Variants in BRCA2 observed in about 807,000 individuals in gnomAD.
BRCA2 encodes the protein breast cancer type 2 susceptibility protein.
A neutral mutation model predicts 276.7 loss-of-function variants in BRCA2; 203 were observed. The ratio of observed to expected loss-of-function variants is 0.73; its 90% confidence interval spans 0.65 to 0.82. The LOEUF (loss-of-function observed/expected upper bound fraction) is 0.82. Ranked by LOEUF, BRCA2 falls within the 40% of genes least tolerant of loss-of-function variation. The pLI, the probability that BRCA2 is intolerant of heterozygous loss-of-function variation, is 0.00. For synonymous variants in BRCA2, 1,289 were observed against 1,338.4 expected (o/e 0.96, Z 0.81); for missense variants, 3,920 against 3,915.0 (o/e 1.00, Z -0.03).
intron 22 of BRCA2, 85 bp from the exon 23 acceptor site, chr13:32,379,665 A>G: frequency 1.3e-6 from 2 of 1,537,398 alleles, no homozygotes; most frequent in South Asian, 1.1e-5. Context: ...AGATAATATA[A>G]AAGAGGATCT....
Position 32,363,535 on chromosome 13 carries a change from T to C in BRCA2, c.8331+2T>C, listed in dbSNP as rs398122602. The C allele has an allele frequency of 1.9e-6, 3 of 1,610,002 alleles. No homozygotes were observed. Among genetic ancestry groups the C allele is most frequent in the Non-Finnish European group, 1.7e-6 (2 of 1,176,388 alleles). ...GCCCCAGAATCTCTTATGTTAAAGG[T>C]AAATTAATTTGCACTCTTGGTAAAA... On this transcript the variant is annotated splice_donor_variant, in intron 18 of 26. Transcript: ENST00000380152. LOFTEE classifies it high-confidence loss of function.
chr13:32,324,972 C>A (rs2072332713), intron 3 of BRCA2, 104 bp from the exon 4 acceptor site: 2 of 789,456 alleles, frequency 2.5e-6, no homozygotes, highest in South Asian at 1.5e-5. Flanking sequence ...TATACATTCT[C>A]ATTCCCAGTA....
chr13:32,395,408 A>G (rs575941981), intron 25 of BRCA2, among the ~76,000 whole-genome samples: 16 of 152,214 alleles, frequency 1.1e-4, no homozygotes, highest in Non-Finnish European at 1.5e-4. Flanking sequence ...GCTTAAATCT[A>G]TATATACATT....
At chr13:32,326,879 C>A (rs2072354188) in intron 7 of BRCA2, among the ~76,000 whole-genome samples, 1 of 152,140 alleles carries the variant, frequency 6.6e-6, no homozygotes, top group Non-Finnish European at 1.5e-5. Flanking sequence ...CCTTTACTGG[C>A]CTATATAAGC....
In BRCA2 at chr13:32,338,248, T is replaced by G. The variant is rs80358633; in HGVS notation, c.3893T>G (p.Ile1298Ser). 4 of 1,548,234 alleles carry G rather than the reference T, an allele frequency of 2.6e-6. No homozygotes were observed. The South Asian group carries it at 4.9e-5, about 19-fold the overall frequency. The change falls in exon 11 of 27, where the codon ATT (isoleucine) becomes AGT (serine). Residue 1298 changes from isoleucine (I) to serine (S), a missense_variant. By Grantham distance (142) the Ile-to-Ser change is moderately radical. Transcript: ENST00000380152. Reference protein sequence around the residue: ...NKCQLILQNNIEMTTGTFVEE... With the variant: ...NKCQLILQNNSEMTTGTFVEE... ...TGCCAACTGATATTACAAAATAATA[T>G]TGAAATGACTACTGGCACTTTTGTT...
chr13:32,393,594 T>C (rs2073012454), intron 24 of BRCA2, among the ~76,000 whole-genome samples: 1 of 152,228 alleles, frequency 6.6e-6, no homozygotes, highest in Non-Finnish European at 1.5e-5. Context: ...CAAGTTCATC[T>C]TATATGTTCC....
intron 13 of BRCA2, among the ~76,000 whole-genome samples, chr13:32,350,736 G>C (rs2072643119): frequency 6.6e-6 from 1 of 151,616 alleles, no homozygotes; most frequent in Admixed American, 6.6e-5. Flanking sequence ...CTGGGCGAGA[G>C]AGCGAGACTC....
rs1131692114 is a variant in BRCA2 at position 32,371,052 on chromosome 13, C to T, written c.8584C>T (p.Leu2862=). 1.2e-6 allele frequency: 2 copies of T among 1,614,070 alleles called. No homozygotes were observed. The highest frequency in any genetic ancestry group is 1.7e-6 in the Non-Finnish European group (2 of 1,179,982). The change falls in exon 20 of 27, where the codon CTA becomes TTA. Residue 2862 remains leucine (L), a synonymous_variant. Coordinates refer to ENST00000380152, the MANE Select transcript of BRCA2 (RefSeq NM_000059.4). The stretch of plus-strand genomic sequence containing the variant: ...ATATGTGGAGGCCCAACAAAAGAGA[C>T]TAGAAGCCTTATTCACTAAAATTCA... The part of the protein sequence containing the change: ...AKYVEAQQKR[L]EALFTKIQEE...
intron 20 of BRCA2, among the ~76,000 whole-genome samples, chr13:32,373,624 A>G (rs1036143961): frequency 6.6e-6 from 1 of 152,236 alleles, no homozygotes; most frequent in Non-Finnish European, 1.5e-5. Flanking sequence ...CATCCAGGGC[A>G]TGCTGATATA....
At chr13:32,320,159 C>T (rs2072297113) in intron 3 of BRCA2, among the ~76,000 whole-genome samples, 1 of 152,104 alleles carries the variant, frequency 6.6e-6, no homozygotes, top group Non-Finnish European at 1.5e-5. Context: ...GACCAATAGA[C>T]AAGGCAAAAA....
Position 32,333,458 on chromosome 13 carries a change from T to C in BRCA2, c.1909+71T>C, listed in dbSNP as rs375176572. ...AGATGACGATTCCTTCTGTGTTTTT[T>C]TCTGCTTTTTAAAATCTTCATATCT... On this transcript the variant is annotated intron_variant, in intron 10 of 26. Coordinates refer to ENST00000380152, the MANE Select transcript of BRCA2 (RefSeq NM_000059.4). The C allele has an allele frequency of 1.7e-4, 261 of 1,508,874 alleles. 1 individual carries two copies. In the East Asian group the frequency reaches 3.6e-3, roughly 21 times the overall value. The allele number at this position is 1,508,874 out of a possible 1,614,324, so 93.5% of individuals were successfully genotyped here.
chr13:32,320,060 C>A (rs878880501), intron 3 of BRCA2, among the ~76,000 whole-genome samples: 4 of 152,086 alleles, frequency 2.6e-5, no homozygotes, highest in Admixed American at 2.6e-4. Flanking sequence ...ATGTTCTAGG[C>A]AGAGGGAACA....
At chr13:32,347,424 A>T in intron 13 of BRCA2, among the ~76,000 whole-genome samples, 1 of 152,228 alleles carries the variant, frequency 6.6e-6, no homozygotes, top group Admixed American at 6.5e-5. Flanking sequence ...AGCAACAGGT[A>T]CTTCTGAAGG....
intron 12 of BRCA2, among the ~76,000 whole-genome samples, 167 bp downstream of exon 12, chr13:32,344,820 A>G (rs2072600479): frequency 6.6e-6 from 1 of 152,138 alleles, no homozygotes; most frequent in Admixed American, 6.5e-5. Flanking sequence ...GAGGACCTAA[A>G]AGAGCATTTG....
intron 4 of BRCA2, among the ~76,000 whole-genome samples, chr13:32,325,495 G>A (rs903042096): frequency 1.1e-4 from 17 of 150,778 alleles, no homozygotes; most frequent in African/African-American, 3.9e-4. Context: ...AAAATAAATT[G>A]TGTACTTTTC....
chr13:32,341,134 A>G lies in BRCA2; in HGVS notation c.6779A>G (p.Glu2260Gly), dbSNP rs2137530621. 3 of 1,613,986 alleles carry G rather than the reference A, an allele frequency of 1.9e-6. No homozygotes were observed. Among genetic ancestry groups the G allele is most frequent in the Non-Finnish European group, 2.5e-6 (3 of 1,179,910 alleles). The change falls in exon 11 of 27, where the codon GAG (glutamate) becomes GGG (glycine). Residue 2260 changes from glutamate to glycine, a missense_variant. Glu to Gly is a moderately conservative substitution (Grantham distance 98). Transcript: ENST00000380152. ...TCTCTTTTTACATGTCCCGAAAATG[A>G]GGAAATGGTTTTGTCAAATTCAAGA... ...THSLFTCPEN[E>G]EMVLSNSRIG... is the part of the protein sequence containing the mutation.
intron 3 of BRCA2, among the ~76,000 whole-genome samples, chr13:32,323,089 G>A (rs1181031706): frequency 1.3e-5 from 2 of 151,846 alleles, no homozygotes; most frequent in African/African-American, 4.8e-5. Flanking sequence ...TGGTGTGTCA[G>A]TGTTTTGAAT....
At chr13:32,323,070 A>G (rs1593884751) in intron 3 of BRCA2, among the ~76,000 whole-genome samples, 1 of 152,004 alleles carries the variant, frequency 6.6e-6, no homozygotes, top group African/African-American at 2.4e-5. Context: ...TCACATCCTC[A>G]CCAGCATTTG....
At chr13:32,341,728 C>T (rs896531658) in intron 11 of BRCA2, among the ~76,000 whole-genome samples, 24 of 151,856 alleles carry the variant, frequency 1.6e-4, no homozygotes, top group Non-Finnish European at 3.4e-4. Flanking sequence ...ATTAGCCGGG[C>T]GTAGTGGCGG....
Sources: allele counts gnomAD v4.1 joint callset (sites outside exome capture counted in the v4.1 genomes callset), GRCh38; gene constraint gnomAD v4.1.1; transcripts MANE v1.5; gene names NCBI Gene and HGNC (gene_info 2026-07-23, HGNC 2026-07-21).